The following SH2D3C variants were observed in gnomAD, a reference collection of about 807,000 sequenced individuals.
SH2D3C encodes SH2 domain-containing protein 3C.
Under a neutral mutation model 75.2 loss-of-function variants are expected in SH2D3C, and 25 were observed. The ratio of observed to expected loss-of-function variants is 0.33; its 90% CI spans 0.24 to 0.46. The LOEUF is 0.46. SH2D3C is among the 20% of genes least tolerant of loss of function. The pLI is 1.00. For missense variants in SH2D3C, 933 were observed against 1,165.3 expected, an observed-to-expected ratio of 0.80 and a Z score of 2.90; for synonymous variants, 450 against 473.7, an observed-to-expected ratio of 0.95 and a Z score of 0.65.
rs1564423941 is a variant in SH2D3C, at chr9:127,766,918, CG to C, written c.516-5269del. On this transcript the variant is annotated intron_variant, in intron 2 of 11. Coordinates refer to ENST00000314830, the MANE Select transcript of SH2D3C (RefSeq NM_170600.3). ...TCACTCACCCACCGCAGAGAAGCAA[CG>C]GGCACCTGCCTGCTCTGAGCTTCTC... 2.6e-6 allele frequency: 4 copies of C among 1,531,472 alleles called. No homozygotes were observed. In the South Asian group the frequency reaches 4.8e-5, roughly 18 times the overall value. 94.9% of individuals were successfully genotyped at this position (1,531,472 alleles called of 1,614,324 possible). A position where few individuals can be genotyped will look rare whatever the true frequency, so the allele number is the denominator to read the frequency against.
Position 127,773,981 on chromosome 9 carries a change from G to A in SH2D3C, c.515+9C>T, listed in dbSNP as rs1845773477. On this transcript the variant is annotated intron_variant, in intron 2 of 11. Coordinates refer to ENST00000314830, the MANE Select transcript of SH2D3C (RefSeq NM_170600.3). Reference sequence around the variant, plus strand: ...CCCTGCAGGTCCCAACCAGCCCCTGGGCACCTACCTTTCTGAGTGCACGTC... The same window carrying A: ...CCCTGCAGGTCCCAACCAGCCCCTGAGCACCTACCTTTCTGAGTGCACGTC... 1 of 1,562,990 alleles carries A rather than the reference G, an allele frequency of 6.4e-7. No individual in the cohort carries two copies. Among genetic ancestry groups the A allele is most frequent in the Admixed American group, 1.7e-5 (1 of 57,848 alleles).
chr9:127,755,258 C>T (rs2131774647), intron 3 of SH2D3C: 5 of 1,129,484 alleles, frequency 4.4e-6, no homozygotes, highest in Non-Finnish European at 4.3e-6. Flanking sequence ...CTGCGCGTGC[C>T]TCTCAGCGGC....
intron 2 of SH2D3C, among the ~76,000 whole-genome samples, chr9:127,763,275 A>G (rs955318537): frequency 4.0e-5 from 6 of 151,886 alleles, no homozygotes; most frequent in Admixed American, 2.6e-4. Context: ...TTTATTTTCA[A>G]TTTTTGCAAT....
At chr9:127,762,573 C>T (rs1845554828) in intron 2 of SH2D3C, 1 of 152,286 alleles carries the variant, frequency 6.6e-6, no homozygotes, top group Non-Finnish European at 1.5e-5. Context: ...CATTCAGCTC[C>T]ACGCCCAGTC....
intron 2 of SH2D3C, chr9:127,767,084 T>C (rs956235411): frequency 1.6e-5 from 24 of 1,536,090 alleles, no homozygotes; most frequent in Non-Finnish European, 2.0e-5. Flanking sequence ...TGGGCCACCA[T>C]TGTGCCCAGC....
rs151296579 is a variant in SH2D3C at position 127,745,038 on chromosome 9, G to A, written c.1326C>T (p.Val442=). Residue 442 remains valine (V), a synonymous_variant, in exon 7 of 12, where the codon GTC becomes GTT. Coordinates refer to ENST00000314830, the MANE Select transcript of SH2D3C (RefSeq NM_170600.3). The part of the protein sequence containing the change: ...PSATALPASP[V]ARRSSEPQLC... ...GCTGGGGCTCACTGGAACGGCGGGC[G>A]ACAGGGGAGGCAGGCAATGCTGTGG... 2.5e-4 allele frequency: 381 copies of A among 1,512,094 alleles called. 2 individuals carry two copies. In the East Asian group the frequency reaches 7.3e-3, roughly 29 times the overall value. 93.7% of individuals were successfully genotyped at this position (1,512,094 alleles called of 1,614,324 possible).
intron 3 of SH2D3C, among the ~76,000 whole-genome samples, chr9:127,756,090 A>G (rs1248482459): frequency 6.6e-6 from 1 of 152,214 alleles, no homozygotes; most frequent in African/African-American, 2.4e-5. Flanking sequence ...ACTTGAGGCC[A>G]GGAGTTCAAG....
chr9:127,738,539 C>T lies in SH2D3C; in HGVS notation c.*207G>A. ...TGGTGGGGGAACCGGCGTTCCTGTT[C>T]TTCCTCAATGGAGACCTGGTGAGCA... On this transcript the variant is annotated 3_prime_UTR_variant, in exon 12 of 12. Transcript: ENST00000314830. The surrounding 1 kb of genome is among the most constrained non-coding windows in gnomAD (Gnocchi z 5.0). 2.3e-6 allele frequency: 1 copy of T among 429,980 alleles called. No individual in the cohort carries two copies. Among genetic ancestry groups the T allele is most frequent in the Non-Finnish European group, 4.0e-6 (1 of 249,384 alleles). 26.6% of individuals were successfully genotyped at this position (429,980 alleles called of 1,614,324 possible). A position where few individuals can be genotyped will look rare whatever the true frequency, so the allele number is the denominator to read the frequency against.
At chr9:127,775,992 C>T (rs1274528671) in intron 1 of SH2D3C, among the ~76,000 whole-genome samples, 1 of 151,980 alleles carries the variant, frequency 6.6e-6, no homozygotes, top group Non-Finnish European at 1.5e-5. Flanking sequence ...CCACGCCCAA[C>T]TGGTTTTTGT....
At chr9:127,767,786 C>T (rs1845662819) in intron 2 of SH2D3C, among the ~76,000 whole-genome samples, 1 of 152,252 alleles carries the variant, frequency 6.6e-6, no homozygotes, top group African/African-American at 2.4e-5. Context: ...GAAGCAGGTG[C>T]TGTCACTGTT....
At chr9:127,759,701 T>TG (rs776602356) in intron 3 of SH2D3C, among the ~76,000 whole-genome samples, 2 of 151,600 alleles carry the variant, frequency 1.3e-5, no homozygotes, top group Non-Finnish European at 2.9e-5. Context: ...AATTGTTTTT[T>TG]GGCCGGGCGT....
intron 1 of SH2D3C, among the ~76,000 whole-genome samples, chr9:127,777,646 C>T (rs536856366): frequency 6.6e-6 from 1 of 152,170 alleles, no homozygotes; most frequent in Admixed American, 6.5e-5. Flanking sequence ...GAATGCCTCC[C>T]CTGCCCGGCC....
intron 7 of SH2D3C, 69 bp downstream of exon 7, chr9:127,744,495 C>T: frequency 6.6e-7 from 1 of 1,517,076 alleles, no homozygotes; most frequent in Non-Finnish European, 8.9e-7. Context: ...ATCTGGGAGC[C>T]AGCTTCTCAC....
At chr9:127,776,685 C>A (rs1197509174) in intron 1 of SH2D3C, among the ~76,000 whole-genome samples, 1 of 152,214 alleles carries the variant, frequency 6.6e-6, no homozygotes, top group African/African-American at 2.4e-5. Context: ...AGGTAGGATG[C>A]CCCCAGTTGA....
intron 5 of SH2D3C, among the ~76,000 whole-genome samples, chr9:127,747,667 T>C (rs1208920581): frequency 1.3e-5 from 2 of 151,924 alleles, no homozygotes; most frequent in Non-Finnish European, 2.9e-5. Flanking sequence ...AGCCTCCGAG[T>C]AGCTGGGATT....
intron 2 of SH2D3C, chr9:127,767,066 C>T: frequency 6.5e-7 from 1 of 1,536,222 alleles, no homozygotes; most frequent in Non-Finnish European, 8.7e-7. Flanking sequence ...CTGCCCCACT[C>T]CCCAAGATGG....
chr9:127,740,212 C>T (rs374638497), intron 10 of SH2D3C, 46 bp downstream of exon 10: 4 of 1,530,858 alleles, frequency 2.6e-6, no homozygotes, highest in Admixed American at 1.7e-5. Context: ...CTTTGCAACC[C>T]CAGGGAGGGC....
chr9:127,757,771 A>G (rs1845432524), intron 3 of SH2D3C, among the ~76,000 whole-genome samples: 1 of 151,658 alleles, frequency 6.6e-6, no homozygotes, highest in Non-Finnish European at 1.5e-5. Flanking sequence ...CTCCTGCCTC[A>G]TCCTCCTGAG....
chr9:127,773,938 G>GA (rs890498171), intron 2 of SH2D3C, 52 bp downstream of exon 2: 4 of 1,039,634 alleles, frequency 3.8e-6, no homozygotes, highest in African/African-American at 3.2e-5. Flanking sequence ...AAAAGAAAAA[G>GA]AAAAAAACAG....
Sources: allele counts gnomAD v4.1 joint callset (sites outside exome capture counted in the v4.1 genomes callset), GRCh38; gene constraint gnomAD v4.1.1; non-coding constraint Gnocchi (gnomAD v3.1); transcripts MANE v1.5; gene names NCBI Gene and HGNC (gene_info 2026-07-23, HGNC 2026-07-21).